TASP1: variants seen among roughly 807,000 people sequenced by gnomAD.
TASP1 encodes threonine aspartase 1.
TASP1 carries 16 observed loss-of-function variants against 56.6 expected under a neutral mutation model. The ratio of observed to expected loss-of-function variants is 0.28; its 90% confidence interval spans 0.19 to 0.43. The LOEUF is 0.43. Ranked by LOEUF, TASP1 falls within the 20% of genes least tolerant of loss-of-function variation. The probability of loss-of-function intolerance (pLI) is 1.00; values close to 1 mark genes in which losing one functional copy is unlikely to be tolerated. For synonymous variants in TASP1, 179 were observed against 184.2 expected, an observed-to-expected ratio of 0.97 and a Z score of 0.23; for missense variants, 393 against 511.6, an observed-to-expected ratio of 0.77 and a Z score of 2.24.
the TASP1 span, among the ~76,000 whole-genome samples, chr20:13,116,670 G>A: frequency 1.3e-5 from 2 of 152,214 alleles, no homozygotes; most frequent in Middle Eastern, 6.8e-3. Flanking sequence ...AAGTGCTTTT[G>A]CAACTTACAA....
At chr20:13,600,652 C>T (rs6033769) in intron 4 of TASP1, 1 of 151,880 alleles carries the variant, frequency 6.6e-6, no homozygotes, top group Non-Finnish European at 1.5e-5. Flanking sequence ...GTATTGTGAC[C>T]TTACATTAGG....
the TASP1 span, among the ~76,000 whole-genome samples, chr20:13,218,246 CAA>C: frequency 5.5e-5 from 4 of 72,582 alleles, no homozygotes; most frequent in Non-Finnish European, 2.9e-5. Context: ...GTGACTCTGT[CAA>C]AAAAAAAAAA....
chr20:13,223,715 A>G, the TASP1 span, among the ~76,000 whole-genome samples: 2 of 152,198 alleles, frequency 1.3e-5, no homozygotes, highest in Non-Finnish European at 2.9e-5. Context: ...GGGAATTTCT[A>G]TGCGGAAGTT....
Position 13,435,053 on chromosome 20 carries a change from T to C in TASP1, c.1087A>G (p.Thr363Ala). The C allele has an allele frequency of 6.2e-7, 1 of 1,609,776 alleles. No homozygotes were observed. Among genetic ancestry groups the C allele is most frequent in the South Asian group, 1.1e-5 (1 of 90,138 alleles). Residue 363 changes from threonine (T) to alanine (A), a missense_variant, in exon 12 of 14, where the codon ACA becomes GCA. Physicochemically the swap from Thr to Ala is moderately conservative, Grantham distance 58. Coordinates refer to ENST00000337743, the MANE Select transcript of TASP1 (RefSeq NM_017714.3). ...AEPDSSQNKQ[T>A]LLVEFLWSHT... ...TATATGTCTCACTTACCTAGAAGTG[T>C]CTGCTTATTTTGGGAGGAGTCAGGC...
At chr20:13,381,727 C>T in the TASP1 span, among the ~76,000 whole-genome samples, 1 of 152,186 alleles carries the variant, frequency 6.6e-6, no homozygotes, top group Non-Finnish European at 1.5e-5. Context: ...GGCATCAGTG[C>T]TCTTTTCTTA....
chr20:13,318,136 A>AAAAATAAATAAATAAATAAAT, the TASP1 span, among the ~76,000 whole-genome samples: 1 of 145,038 alleles, frequency 6.9e-6, no homozygotes, highest in African/African-American at 2.5e-5. Context: ...GACACTTGAA[A>AAAAATAAATAAATAAATAAAT]AAATAAATAA....
At chr20:13,607,229 A>C (rs1250208526) in intron 4 of TASP1, among the ~76,000 whole-genome samples, 1 of 152,240 alleles carries the variant, frequency 6.6e-6, no homozygotes, top group Non-Finnish European at 1.5e-5. Context: ...CCCAGCAAAG[A>C]GAGGGCAGAA....
chr20:13,587,262 C>CAGG lies in TASP1; in HGVS notation c.390_391insCCT (p.Val130_Gly131insPro). 6.2e-7 allele frequency: 1 copy of CAGG among 1,612,014 alleles called. No homozygotes were observed. Among genetic ancestry groups the CAGG allele is most frequent in the East Asian group, 2.2e-5 (1 of 44,706 alleles). ...AATGCCCACATACCACTCAGTGCTC[C>CAGG]AACTGCTCCAAAATTTAAGGATTTT... On this transcript the variant is annotated inframe_insertion, in exon 5 of 14. Coordinates refer to ENST00000337743, the MANE Select transcript of TASP1 (RefSeq NM_017714.3).
At chr20:13,397,098 GC>G (rs2041570100) in intron 13 of TASP1, among the ~76,000 whole-genome samples, 1 of 152,176 alleles carries the variant, frequency 6.6e-6, no homozygotes, top group Non-Finnish European at 1.5e-5. Flanking sequence ...AACATGGCAA[GC>G]CCCACAGTAA....
chr20:13,198,963 T>C, the TASP1 span, among the ~76,000 whole-genome samples: 1 of 151,204 alleles, frequency 6.6e-6, no homozygotes, highest in African/African-American at 2.4e-5. Flanking sequence ...TGCACTGCAG[T>C]AGTGAGATCA....
the TASP1 span, among the ~76,000 whole-genome samples, chr20:13,353,069 T>C: frequency 6.6e-6 from 1 of 152,082 alleles, no homozygotes; most frequent in Non-Finnish European, 1.5e-5. Context: ...AGATGCTGTA[T>C]ATACAAAAGA....
chr20:13,395,217 A>G (rs894363128), intron 13 of TASP1, among the ~76,000 whole-genome samples: 8 of 152,200 alleles, frequency 5.3e-5, no homozygotes, highest in Admixed American at 3.9e-4. Context: ...ATAGTGCTGC[A>G]TTAATAACAT....
chr20:13,570,124 C>G (rs780586267), intron 6 of TASP1, among the ~76,000 whole-genome samples: 8 of 151,910 alleles, frequency 5.3e-5, no homozygotes, highest in Non-Finnish European at 1.0e-4. Flanking sequence ...GTGGTAAGTA[C>G]TATGGTATGT....
chr20:13,607,024 A>G (rs1473903737), intron 4 of TASP1, among the ~76,000 whole-genome samples: 1 of 152,200 alleles, frequency 6.6e-6, no homozygotes, highest in Non-Finnish European at 1.5e-5. Flanking sequence ...CTATAGAGAA[A>G]TGTCAGGAAA....
the TASP1 span, among the ~76,000 whole-genome samples, chr20:13,229,435 C>G: frequency 2.7e-4 from 41 of 152,072 alleles, no homozygotes; most frequent in Admixed American, 2.0e-3. Context: ...TTGCATTTTT[C>G]CATGTGCCTG....
chr20:13,272,265 T>C, the TASP1 span, among the ~76,000 whole-genome samples: 1 of 152,222 alleles, frequency 6.6e-6, no homozygotes, highest in East Asian at 1.9e-4. Context: ...CATGATACGG[T>C]TTTAGATCAG....
At chr20:13,588,968 G>A (rs2047421979) in intron 4 of TASP1, among the ~76,000 whole-genome samples, 1 of 151,398 alleles carries the variant, frequency 6.6e-6, no homozygotes, top group Non-Finnish European at 1.5e-5. Flanking sequence ...TGATATAATA[G>A]AAATGAGAAT....
In TASP1 at chr20:13,512,573, G is replaced by GT. The variant is rs537319222; in HGVS notation, c.874+15859dup. Among the ~76,000 whole-genome samples, 90 of 152,034 alleles carry GT rather than the reference G, an allele frequency of 5.9e-4. No individual in the cohort carries two copies. In the East Asian group the frequency reaches 0.013, roughly 22 times the overall value. On this transcript the variant is annotated intron_variant, in intron 10 of 13. Transcript: ENST00000337743. ...AGGTTGCCTGTTCACTCTGATAGTA[G>GT]TTTTTTTGCTGTGCAGAAGCTCTTT...
chr20:13,305,854 T>G, the TASP1 span, among the ~76,000 whole-genome samples: 1 of 152,208 alleles, frequency 6.6e-6, no homozygotes, highest in South Asian at 2.1e-4. Flanking sequence ...TTAATTTCTG[T>G]GTAGAGATTT....
Sources: allele counts gnomAD v4.1 joint callset (sites outside exome capture counted in the v4.1 genomes callset), GRCh38; gene constraint gnomAD v4.1.1; transcripts MANE v1.5; gene names NCBI Gene and HGNC (gene_info 2026-07-23, HGNC 2026-07-21).